The following MSH5 variants were observed in gnomAD, a reference collection of about 807,000 sequenced individuals.
MSH5 encodes the protein mutS protein homolog 5.
MSH5 carries 78 observed loss-of-function variants against 107.7 expected under a neutral mutation model. The ratio of observed to expected loss-of-function variants is 0.72; its 90% confidence interval spans 0.60 to 0.87. The LOEUF is 0.87. Among genes scored for constraint, MSH5 ranks in the 40% least tolerant of loss-of-function variants. The probability of loss-of-function intolerance (pLI) is 0.00; values close to 1 mark genes in which losing one functional copy is unlikely to be tolerated. For synonymous variants in MSH5, 326 were observed against 399.5 expected, an observed-to-expected ratio of 0.82 and a Z score of 2.19; for missense variants, 889 against 1,046.6, an observed-to-expected ratio of 0.85 and a Z score of 2.08.
chr6:31,743,718 A>G (rs546283840), intron 5 of MSH5, among the ~76,000 whole-genome samples, 186 bp from the exon 6 acceptor site: 1 of 152,286 alleles, frequency 6.6e-6, no homozygotes, highest in African/African-American at 2.4e-5. Flanking sequence ...TTTATATTAT[A>G]TGTAGAATAA....
Position 31,743,172 on chromosome 6 carries a change from T to C in MSH5, c.415+2T>C. The C allele has an allele frequency of 6.2e-7, 1 of 1,612,812 alleles. No homozygotes were observed. Among genetic ancestry groups the C allele is most frequent in the Non-Finnish European group, 8.5e-7 (1 of 1,179,862 alleles). On this transcript the variant is annotated splice_donor_variant, in intron 5 of 24. Transcript: ENST00000375750. LOFTEE classifies it high-confidence loss of function. ...TATTTTTGCCAAGTGTGGATTTTGG[T>C]ATCTCCTTCCTTTTGCTTTGCCTAA... is the stretch of plus-strand genomic sequence containing the variant.
In MSH5 at chr6:31,759,041, G is replaced by T. The variant is rs936954136; in HGVS notation, c.1327-56G>T. 1 of 1,528,328 alleles carries T rather than the reference G, an allele frequency of 6.5e-7. No individual in the cohort carries two copies. The highest frequency in any genetic ancestry group is 9.1e-7 in the Non-Finnish European group (1 of 1,103,208). 94.7% of individuals were successfully genotyped at this position (1,528,328 alleles called of 1,614,324 possible). On this transcript the variant is annotated intron_variant, in intron 15 of 24. Coordinates refer to ENST00000375750, the MANE Select transcript of MSH5 (RefSeq NM_172166.4). This position sits in a 1 kb window ranked among gnomAD's most constrained non-coding sequence, Gnocchi z 4.7. The stretch of plus-strand genomic sequence containing the variant: ...TTTAAGCTCCCTCTAGGGTGGGGAG[G>T]TGTCCAGTAAGTCTCCAAGCAGGAG...
chr6:31,754,828 T>A (rs1001548879), intron 12 of MSH5, among the ~76,000 whole-genome samples: 2 of 149,950 alleles, frequency 1.3e-5, no homozygotes, highest in Admixed American at 6.7e-5. Flanking sequence ...CTCGGCTCAC[T>A]GCAACCTCCG....
intron 3 of MSH5, 92 bp downstream of exon 3, chr6:31,741,378 C>CAT (rs1380698689): frequency 1.2e-6 from 1 of 833,662 alleles, no homozygotes; most frequent in Non-Finnish European, 1.7e-6. Context: ...CACACACACA[C>CAT]ACACATATTT....
In MSH5 at chr6:31,759,357, T is replaced by C. The variant is rs540876100; in HGVS notation, c.1408-68T>C. 1.1e-5 allele frequency: 17 copies of C among 1,541,734 alleles called. No individual in the cohort carries two copies. The highest frequency in any genetic ancestry group is 1.4e-5 in the Non-Finnish European group (16 of 1,117,356). ...CAGAGTTAGGGGCTGGAGGTGGGGTTAGAAAGATGGGGAAGGAGAGGAGGA... is the reference window on the plus strand; with the variant it reads ...CAGAGTTAGGGGCTGGAGGTGGGGTCAGAAAGATGGGGAAGGAGAGGAGGA... On this transcript the variant is annotated intron_variant, in intron 16 of 24. Coordinates refer to ENST00000375750, the MANE Select transcript of MSH5 (RefSeq NM_172166.4). This position sits in a 1 kb window ranked among gnomAD's most constrained non-coding sequence, Gnocchi z 4.7.
chr6:31,748,379 G>A (rs1377189098), intron 10 of MSH5, among the ~76,000 whole-genome samples: 5 of 125,554 alleles, frequency 4.0e-5, no homozygotes, highest in Admixed American at 2.0e-4. Context: ...ACTGAGTTTC[G>A]CTCTTGTTGC....
At position 31,761,124 on chromosome 6, in the gene MSH5, A is replaced by G; in HGVS notation, c.1963-64A>G. ...TGTATACAGCTTTATTCACAGGCCA[A>G]CTGTGGTCAGTGCGTTACGGGCTTC... is the stretch of plus-strand genomic sequence containing the variant. On this transcript the variant is annotated intron_variant, in intron 20 of 24. Transcript: ENST00000375750. The surrounding 1 kb of genome is among the most constrained non-coding windows in gnomAD (Gnocchi z 5.3). The G allele has an allele frequency of 6.6e-7, 1 of 1,506,190 alleles. No homozygotes were observed. Among genetic ancestry groups the G allele is most frequent in the Non-Finnish European group, 9.1e-7 (1 of 1,094,740 alleles). 93.3% of individuals were successfully genotyped at this position (1,506,190 alleles called of 1,614,324 possible). A position where few individuals can be genotyped will look rare whatever the true frequency, so the allele number is the denominator to read the frequency against.
rs1171491067 is a variant in MSH5, at chr6:31,761,204, A to G, written c.1979A>G (p.Asn660Ser). The change falls in exon 21 of 25, where the codon AAC becomes AGC. Residue 660 changes from asparagine (N) to serine (S), a missense_variant. Physicochemically the swap from Asn to Ser is conservative, Grantham distance 46 (BLOSUM62 1). Coordinates refer to ENST00000375750, the MANE Select transcript of MSH5 (RefSeq NM_172166.4). The surrounding 1 kb of genome is among the most constrained non-coding windows in gnomAD (Gnocchi z 5.3). ...IDLNQVAKAV[N>S]NATAQSLVLI... ...ACCCAGCAGGTGGCGAAAGCAGTGA[A>G]CAATGCCACTGCACAGTCGCTGGTC... 4 of 1,613,902 alleles carry G rather than the reference A, an allele frequency of 2.5e-6. No individual in the cohort carries two copies. Among genetic ancestry groups the G allele is most frequent in the Non-Finnish European group, 3.4e-6 (4 of 1,180,022 alleles).
intron 12 of MSH5, among the ~76,000 whole-genome samples, chr6:31,757,245 C>T (rs1357361107): frequency 1.3e-5 from 2 of 151,566 alleles, no homozygotes; most frequent in African/African-American, 2.4e-5. Flanking sequence ...CCCGGGTTCG[C>T]GCCATTCTCC....
Position 31,758,244 on chromosome 6 carries a change from A to G in MSH5, c.1094A>G (p.Gln365Arg). Residue 365 changes from glutamine to arginine, a missense_variant, in exon 13 of 25, where the codon CAA becomes CGA. Coordinates refer to ENST00000375750, the MANE Select transcript of MSH5 (RefSeq NM_172166.4). The surrounding 1 kb of genome is among the most constrained non-coding windows in gnomAD (Gnocchi z 5.1). ...QSIQLFRDIA[Q>R]EFSDDLHHIA... ...ATCCAGCTCTTTCGGGACATTGCCC[A>G]AGAGTTCTCTGATGACCTGCACCAT... 6.2e-7 allele frequency: 1 copy of G among 1,613,050 alleles called. No homozygotes were observed. The highest frequency in any genetic ancestry group is 8.5e-7 in the Non-Finnish European group (1 of 1,180,020).
chr6:31,748,721 A>T (rs771601257), intron 10 of MSH5, among the ~76,000 whole-genome samples: 8 of 152,128 alleles, frequency 5.3e-5, no homozygotes, highest in Non-Finnish European at 8.8e-5. Context: ...CTTCAGGATT[A>T]AGATTAGCAT....
At chr6:31,757,705 C>A (rs1040231341) in intron 12 of MSH5, 4 of 174,852 alleles carry the variant, frequency 2.3e-5, no homozygotes, top group African/African-American at 9.5e-5. Context: ...GACAGAGTCT[C>A]GCTCTGTCGG....
Position 31,761,386 on chromosome 6 carries a change from A to C in MSH5, c.2038-86A>C. 2 of 1,604,900 alleles carry C rather than the reference A, an allele frequency of 1.2e-6. No homozygotes were observed. The highest frequency in any genetic ancestry group is 1.7e-6 in the Non-Finnish European group (2 of 1,174,706). ...GCTGTGTGGGCAGAAAAGAAATAGA[A>C]CACGAGACAGGGAAAGGCAGTGCAA... is the stretch of plus-strand genomic sequence containing the variant. On this transcript the variant is annotated intron_variant, in intron 21 of 24. Coordinates refer to ENST00000375750, the MANE Select transcript of MSH5 (RefSeq NM_172166.4). This position sits in a 1 kb window ranked among gnomAD's most constrained non-coding sequence, Gnocchi z 5.3.
rs1198861466 is a variant in MSH5, at chr6:31,758,481, G to A, written c.1144-67G>A. The A allele has an allele frequency of 1.3e-6, 2 of 1,590,710 alleles. No individual in the cohort carries two copies. The highest frequency in any genetic ancestry group is 1.7e-5 in the Admixed American group (1 of 59,600). ...AAGGAGGACTGCAGGGAGAATTGGG[G>A]CCCAAGGAGAGCTGAGGAACAGGAC... On this transcript the variant is annotated intron_variant, in intron 13 of 24. Coordinates refer to ENST00000375750, the MANE Select transcript of MSH5 (RefSeq NM_172166.4). This position sits in a 1 kb window ranked among gnomAD's most constrained non-coding sequence, Gnocchi z 5.1.
At chr6:31,741,050 GTGA>G in intron 2 of MSH5, 110 bp from the exon 3 acceptor site, 5 of 1,342,952 alleles carry the variant, frequency 3.7e-6, no homozygotes, top group Non-Finnish European at 5.1e-6. Flanking sequence ...CTAAATGGGG[GTGA>G]TGATGCCTAT....
At position 31,747,440 on chromosome 6, in the gene MSH5, G is replaced by T; in HGVS notation, c.812+8G>T. On this transcript the variant is annotated splice_region_variant and intron_variant, in intron 10 of 24. Transcript: ENST00000375750. Reference sequence around the variant, plus strand: ...GGGAGAGAAGCTGCTCAGGTGAGTGGGTCCCACACATACTACACACTAATG... The same window carrying T: ...GGGAGAGAAGCTGCTCAGGTGAGTGTGTCCCACACATACTACACACTAATG... 1 of 1,612,670 alleles carries T rather than the reference G, an allele frequency of 6.2e-7. No homozygotes were observed. Among genetic ancestry groups the T allele is most frequent in the East Asian group, 2.2e-5 (1 of 44,876 alleles).
Position 31,743,182 on chromosome 6 carries a change from C to T in MSH5, c.415+12C>T, listed in dbSNP as rs1243894420. ...AAGTGTGGATTTTGGTATCTCCTTC[C>T]TTTTGCTTTGCCTAACTCCCTGTTC... On this transcript the variant is annotated intron_variant, in intron 5 of 24. Coordinates refer to ENST00000375750, the MANE Select transcript of MSH5 (RefSeq NM_172166.4). The T allele has an allele frequency of 1.9e-6, 3 of 1,612,600 alleles. No homozygotes were observed. Among genetic ancestry groups the T allele is most frequent in the Non-Finnish European group, 8.5e-7 (1 of 1,179,716 alleles).
At chr6:31,747,668 T>C (rs1809583677) in intron 10 of MSH5, among the ~76,000 whole-genome samples, 2 of 152,080 alleles carry the variant, frequency 1.3e-5, no homozygotes, top group African/African-American at 2.4e-5. Flanking sequence ...CATATACCCA[T>C]TGATGATACA....
At position 31,758,349 on chromosome 6, in the gene MSH5, T is replaced by C. The variant is rs953410164; in HGVS notation, c.1143+56T>C. 6.3e-7 allele frequency: 1 copy of C among 1,599,658 alleles called. No homozygotes were observed. Among genetic ancestry groups the C allele is most frequent in the South Asian group, 1.1e-5 (1 of 90,124 alleles). ...GGGAGGTCAGGGAGAGAGAATGCAG[T>C]GTGCAAGATGGGGAAACATGGAAGA... On this transcript the variant is annotated intron_variant, in intron 13 of 24. Coordinates refer to ENST00000375750, the MANE Select transcript of MSH5 (RefSeq NM_172166.4). This position sits in a 1 kb window ranked among gnomAD's most constrained non-coding sequence, Gnocchi z 5.1.
Sources: gnomAD v4.1 joint callset for allele counts (sites outside exome capture counted in the v4.1 genomes callset) on GRCh38, gnomAD v4.1.1 for gene constraint, Gnocchi (gnomAD v3.1) non-coding constraint, MANE v1.5 for transcripts, NCBI Gene and HGNC (gene_info 2026-07-23, HGNC 2026-07-21) for gene names.